Variants in PLEKHS1 observed in about 807,000 individuals in gnomAD.
PLEKHS1 encodes pleckstrin homology domain containing S1.
In PLEKHS1, 55 loss-of-function variants were observed where a neutral mutation model predicts 51.0. The ratio of observed to expected loss-of-function variants is 1.08; its 90% CI spans 0.87 to 1.35. The LOEUF (loss-of-function observed/expected upper bound fraction) is 1.35. Among genes scored for constraint, PLEKHS1 ranks in the 40% most tolerant of loss-of-function variants. PLEKHS1 has a pLI of 0.00. For synonymous variants in PLEKHS1, 153 were observed against 144.8 expected, an observed-to-expected ratio of 1.06 and a Z score of -0.41; for missense variants, 398 against 423.0, an observed-to-expected ratio of 0.94 and a Z score of 0.52.
At chr10:113,769,877 C>G in exon 7 of PLEKHS1, 1 of 1,613,720 alleles carries the variant, frequency 6.2e-7, no homozygotes, top group South Asian at 1.1e-5. Flanking sequence ...CTCCAGCTCA[C>G]CAAGAAATGG....
At chr10:113,757,030 C>T (rs575670380) in intron 2 of PLEKHS1, among the ~76,000 whole-genome samples, 1 of 151,578 alleles carries the variant, frequency 6.6e-6, no homozygotes, top group East Asian at 1.9e-4. Context: ...AATTATCTGC[C>T]TCAGCCTCCC....
rs1173899561 is a variant in PLEKHS1, at chr10:113,766,407, T to C, written c.29-4T>C. On this transcript the variant is annotated splice_polypyrimidine_tract_variant and splice_region_variant and intron_variant, in intron 2 of 11. Coordinates refer to ENST00000361048, the Ensembl canonical transcript of PLEKHS1. ...ACAAACTGAGTTCTGTTCACTTTTATTAGGCAAACAATTTACATTTTCTTA... is the reference window on the plus strand; with the variant it reads ...ACAAACTGAGTTCTGTTCACTTTTACTAGGCAAACAATTTACATTTTCTTA... The C allele has an allele frequency of 1.3e-6, 2 of 1,533,304 alleles. No homozygotes were observed. 95.0% of individuals were successfully genotyped at this position (1,533,304 alleles called of 1,614,324 possible). A position where few individuals can be genotyped will look rare whatever the true frequency, so the allele number is the denominator to read the frequency against.
intron 1 of PLEKHS1, among the ~76,000 whole-genome samples, chr10:113,752,127 T>C (rs1397448348): frequency 6.6e-6 from 1 of 152,154 alleles, no homozygotes; most frequent in Non-Finnish European, 1.5e-5. Context: ...TCTACTTTCT[T>C]AGATAGGAGG....
intron 2 of PLEKHS1, 54 bp downstream of exon 2, chr10:113,755,359 A>C: frequency 6.3e-7 from 1 of 1,585,402 alleles, no homozygotes; most frequent in Non-Finnish European, 8.6e-7. Flanking sequence ...AAAATGCCCC[A>C]CGGTTTCCTT....
exon 12 of PLEKHS1, chr10:113,781,153 T>C: frequency 4.8e-6 from 1 of 207,312 alleles, no homozygotes. Context: ...GAAGGCAAGA[T>C]TCCCAAGGGA....
At chr10:113,766,752 C>A in intron 4 of PLEKHS1, 34 bp downstream of exon 4, 1 of 1,458,164 alleles carries the variant, frequency 6.9e-7, no homozygotes, top group Non-Finnish European at 9.4e-7. Flanking sequence ...TTTATAACAA[C>A]AAATACTATA....
chr10:113,764,052 T>C (rs1006857641), intron 2 of PLEKHS1, among the ~76,000 whole-genome samples: 4 of 152,176 alleles, frequency 2.6e-5, no homozygotes, highest in African/African-American at 7.2e-5. Context: ...TTGCTGAATA[T>C]AGAATTTTGA....
chr10:113,757,191 G>C (rs1171263012), intron 2 of PLEKHS1, among the ~76,000 whole-genome samples: 1 of 152,154 alleles, frequency 6.6e-6, no homozygotes, highest in East Asian at 1.9e-4. Flanking sequence ...GGGATTACAG[G>C]CATGAGCACC....
chr10:113,773,505 G>A (rs1482413336), intron 8 of PLEKHS1, among the ~76,000 whole-genome samples: 1 of 152,222 alleles, frequency 6.6e-6, no homozygotes, highest in African/African-American at 2.4e-5. Flanking sequence ...TAGCTGAGGT[G>A]ATCAGAGTGG....
In PLEKHS1 at chr10:113,767,677, C is replaced by T. The variant is rs541125069; in HGVS notation, c.359+198C>T. On this transcript the variant is annotated intron_variant, in intron 5 of 11. Coordinates refer to ENST00000361048, the Ensembl canonical transcript of PLEKHS1. Reference sequence around the variant, plus strand: ...TTCCTAGGGCTGCTATAACAAAGAACCTCATCCTGGATAACTTTGAACAAC... The same window carrying T: ...TTCCTAGGGCTGCTATAACAAAGAATCTCATCCTGGATAACTTTGAACAAC... Among the ~76,000 whole-genome samples the T allele has an allele frequency of 5.3e-5, 8 of 152,292 alleles. No individual in the cohort carries two copies. In the South Asian group the frequency reaches 1.5e-3, roughly 28 times the overall value.
chr10:113,766,526 C>G (rs371539556), intron 3 of PLEKHS1, 27 bp downstream of exon 3: 30 of 1,579,196 alleles, frequency 1.9e-5, no homozygotes, highest in Non-Finnish European at 2.5e-5. Context: ...ATTTAACAAG[C>G]CTCCCACCAG....
In PLEKHS1 at chr10:113,778,643, C is replaced by CTTTTTT. The variant is rs55821501; in HGVS notation, c.*-1946_*-1941dup. Among the ~76,000 whole-genome samples the CTTTTTT allele has an allele frequency of 1.7e-4, 22 of 127,108 alleles. 1 individual carries two copies. Among genetic ancestry groups the CTTTTTT allele is most frequent in the South Asian group, 5.0e-4 (2 of 4,014 alleles). 83.4% of individuals were successfully genotyped at this position (127,108 alleles called of 152,430 possible). ...GGGCAAGTACACATTCGTTCACTTT[C>CTTTTTT]TTTTTTTTTTTTTTTTTTGAGACGG... On this transcript the variant is annotated intron_variant, in intron 11 of 11. Coordinates refer to ENST00000361048, the Ensembl canonical transcript of PLEKHS1.
exon 11 of PLEKHS1, chr10:113,775,856 G>C: frequency 5.6e-6 from 9 of 1,607,710 alleles, no homozygotes; most frequent in Non-Finnish European, 6.8e-6. Context: ...AGAAGCCACA[G>C]GACGGATATG....
At chr10:113,775,791 A>G (rs2134572074) in exon 11 of PLEKHS1, 1 of 1,613,096 alleles carries the variant, frequency 6.2e-7, no homozygotes, top group East Asian at 2.2e-5. Context: ...AGCCAAGTGG[A>G]GAAACTGAAC....
At chr10:113,763,271 A>G (rs1343187759) in intron 2 of PLEKHS1, among the ~76,000 whole-genome samples, 1 of 152,140 alleles carries the variant, frequency 6.6e-6, no homozygotes, top group East Asian at 1.9e-4. Context: ...TTCTTTGACT[A>G]GCGTTGGCAT....
intron 11 of PLEKHS1, among the ~76,000 whole-genome samples, chr10:113,778,807 C>A (rs1844779259): frequency 1.3e-5 from 2 of 152,162 alleles, no homozygotes; most frequent in Admixed American, 1.3e-4. Context: ...CTACGCCCAG[C>A]TAATTTTTTG....
intron 11 of PLEKHS1, chr10:113,777,801 A>G (rs1365027199): frequency 5.6e-6 from 8 of 1,429,294 alleles, no homozygotes; most frequent in Non-Finnish European, 7.3e-6. Flanking sequence ...CACAGCCCTA[A>G]CTTCCTCATA....
exon 10 of PLEKHS1, chr10:113,774,985 C>A: frequency 6.2e-7 from 1 of 1,614,166 alleles, no homozygotes; most frequent in Non-Finnish European, 8.5e-7. Flanking sequence ...CCACAAATGA[C>A]CAAAAGGGGT....
At chr10:113,769,695 CA>C in intron 6 of PLEKHS1, 88 bp from the exon 7 acceptor site, 1 of 801,550 alleles carries the variant, frequency 1.2e-6, no homozygotes, top group African/African-American at 1.7e-5. Context: ...TGGGAAAAGA[CA>C]GGAGGCAAGG....
Sources: gnomAD v4.1 joint callset for allele counts (sites outside exome capture counted in the v4.1 genomes callset) on GRCh38, gnomAD v4.1.1 for gene constraint, MANE v1.5 for transcripts, NCBI Gene and HGNC (gene_info 2026-07-23, HGNC 2026-07-21) for gene names.